Variants in DRD2 observed in about 807,000 individuals in gnomAD.
The protein encoded by DRD2 is dopamine receptor D2.
A neutral mutation model predicts 38.0 loss-of-function variants in DRD2; 8 were observed. That is an observed-to-expected ratio of 0.21 (90% CI 0.12 to 0.38). The LOEUF (loss-of-function observed/expected upper bound fraction) is 0.38, where lower values mean the gene tolerates loss of function less well. Among genes scored for constraint, DRD2 ranks in the 10% least tolerant of loss-of-function variants. The pLI is 1.00. For synonymous variants in DRD2, 230 were observed against 238.6 expected (o/e 0.96, Z 0.33); for missense variants, 403 against 607.7 (o/e 0.66, Z 3.54).
At chr11:113,422,661 T>C (rs1950896772) in intron 2 of DRD2, among the ~76,000 whole-genome samples, 1 of 152,108 alleles carries the variant, frequency 6.6e-6, no homozygotes, top group Admixed American at 6.6e-5. Context: ...GTCAGGTCAT[T>C]TTGGAAGTTG....
chr11:113,452,471 C>T (rs56357137), intron 1 of DRD2, among the ~76,000 whole-genome samples: 18,974 of 66,260 alleles, frequency 0.29, 1,404 homozygotes, highest in East Asian at 0.51. Flanking sequence ...TGTGTGTGTG[C>T]GCGCGCGCGC....
chr11:113,467,004 C>T (rs368717136), intron 1 of DRD2, among the ~76,000 whole-genome samples: 2 of 152,142 alleles, frequency 1.3e-5, no homozygotes, highest in South Asian at 4.1e-4. Context: ...ACACATACTA[C>T]TAAAGAAAAA....
rs183300414 is a variant in DRD2, at chr11:113,433,672, G to A, written c.-31-8990C>T. Among the ~76,000 whole-genome samples the A allele has an allele frequency of 5.3e-5, 8 of 152,292 alleles. No individual in the cohort carries two copies. The South Asian group carries it at 6.2e-4, about 12-fold the overall frequency. Reference sequence around the variant, plus strand: ...CATTGTCTAGGTTTCTTTAGAAGGCGTGGAACAGCCTGGATGAATCTCTCC... The same window carrying A: ...CATTGTCTAGGTTTCTTTAGAAGGCATGGAACAGCCTGGATGAATCTCTCC... On this transcript the variant is annotated intron_variant, in intron 1 of 7. Coordinates refer to ENST00000362072, the MANE Select transcript of DRD2 (RefSeq NM_000795.4).
At chr11:113,465,885 C>T (rs1011727490) in intron 1 of DRD2, among the ~76,000 whole-genome samples, 11 of 152,200 alleles carry the variant, frequency 7.2e-5, no homozygotes, top group African/African-American at 2.7e-4. Flanking sequence ...TCTCTGCCCA[C>T]TGATAATTAC....
intron 5 of DRD2, among the ~76,000 whole-genome samples, chr11:113,415,000 G>A (rs1950811667): frequency 6.6e-6 from 1 of 152,294 alleles, no homozygotes; most frequent in African/African-American, 2.4e-5. Flanking sequence ...AGACATAGTG[G>A]AGAGGAAGTC....
intron 1 of DRD2, among the ~76,000 whole-genome samples, chr11:113,466,469 G>T (rs1485757979): frequency 6.6e-6 from 1 of 152,282 alleles, no homozygotes; most frequent in African/African-American, 2.4e-5. Flanking sequence ...ATTGAAGTAG[G>T]TTCCAACCAT....
intron 1 of DRD2, among the ~76,000 whole-genome samples, chr11:113,452,826 T>A (rs1565675545): frequency 6.6e-6 from 1 of 151,714 alleles, no homozygotes; most frequent in Non-Finnish European, 1.5e-5. Flanking sequence ...TTTTGTATTT[T>A]TTTTTAGTAG....
chr11:113,451,980 C>T (rs530386509), intron 1 of DRD2, among the ~76,000 whole-genome samples: 1 of 152,154 alleles, frequency 6.6e-6, no homozygotes, highest in Non-Finnish European at 1.5e-5. Context: ...TCCATTGTCC[C>T]ATTTCTTCTC....
intron 1 of DRD2, among the ~76,000 whole-genome samples, chr11:113,439,412 CTG>C (rs1338792127): frequency 3.3e-5 from 5 of 152,164 alleles, no homozygotes; most frequent in African/African-American, 2.4e-5. Context: ...AGCACAGTCT[CTG>C]AGAGAGAGAA....
intron 1 of DRD2, among the ~76,000 whole-genome samples, chr11:113,437,283 ACT>A (rs1404645115): frequency 2.6e-5 from 4 of 152,052 alleles, no homozygotes; most frequent in African/African-American, 9.7e-5. Context: ...CAGAACCCAG[ACT>A]CTTCCTTACA....
chr11:113,426,273 G>A (rs1010404576), intron 1 of DRD2, among the ~76,000 whole-genome samples: 5 of 151,976 alleles, frequency 3.3e-5, no homozygotes, highest in African/African-American at 9.7e-5. Context: ...GGCTGGTGTC[G>A]CATATTCACA....
At chr11:113,462,949 A>T (rs10891552) in intron 1 of DRD2, among the ~76,000 whole-genome samples, 11,953 of 150,460 alleles carry the variant, frequency 0.079, 968 homozygotes, top group East Asian at 0.39. Flanking sequence ...ATGACTGATG[A>T]TGTAGGAGTA....
chr11:113,409,759 C>T lies in DRD2; in HGVS notation c.*968G>A, dbSNP rs1352557941. On this transcript the variant is annotated 3_prime_UTR_variant, in exon 8 of 8. Coordinates refer to ENST00000362072, the MANE Select transcript of DRD2 (RefSeq NM_000795.4). ...AGATGGTTTTCAGCAGCCTCTTAGCCGTGGGCTCCTCTAAGGCAGAGGCAG... is the reference window on the plus strand; with the variant it reads ...AGATGGTTTTCAGCAGCCTCTTAGCTGTGGGCTCCTCTAAGGCAGAGGCAG... 1.3e-5 allele frequency: 2 copies of T among 153,036 alleles called. No homozygotes were observed. Among genetic ancestry groups the T allele is most frequent in the East Asian group, 1.9e-4 (1 of 5,206 alleles). 9.5% of individuals were successfully genotyped at this position (153,036 alleles called of 1,614,324 possible). A position where few individuals can be genotyped will look rare whatever the true frequency, so the allele number is the denominator to read the frequency against.
rs769048422 is a variant in DRD2, at chr11:113,424,353, G to A, written c.285+14C>T. 2 of 1,612,866 alleles carry A rather than the reference G, an allele frequency of 1.2e-6. No homozygotes were observed. Among genetic ancestry groups the A allele is most frequent in the South Asian group, 1.1e-5 (1 of 90,968 alleles). On this transcript the variant is annotated intron_variant, in intron 2 of 7. Transcript: ENST00000362072. The stretch of plus-strand genomic sequence containing the variant: ...GCTGGAGAAAGTGCTGGAGCAAGCA[G>A]GGGGCCCACCTACCTCCAGGTAGAC...
intron 1 of DRD2, among the ~76,000 whole-genome samples, chr11:113,443,654 TCCTCTGCCAAA>T (rs528568149): frequency 1.5e-4 from 23 of 152,356 alleles, no homozygotes; most frequent in Admixed American, 3.9e-4. Flanking sequence ...AGGCAGTTAG[TCCTCTGCCAAA>T]CCTGTGTACA....
At chr11:113,424,346 G>A (rs780059943) in intron 2 of DRD2, 21 bp downstream of exon 2, 1 of 1,612,750 alleles carries the variant, frequency 6.2e-7, no homozygotes, top group Non-Finnish European at 8.5e-7. Context: ...AAGTGCTGGA[G>A]CAAGCAGGGG....
chr11:113,459,202 A>G (rs1374372297), intron 1 of DRD2, among the ~76,000 whole-genome samples: 1 of 152,236 alleles, frequency 6.6e-6, no homozygotes, highest in African/African-American at 2.4e-5. Context: ...AAGGAAGATA[A>G]TATAGTCAGT....
intron 1 of DRD2, among the ~76,000 whole-genome samples, chr11:113,445,890 C>T (rs1399834983): frequency 6.6e-6 from 1 of 152,194 alleles, no homozygotes; most frequent in Admixed American, 6.5e-5. Flanking sequence ...CTAACAAGCT[C>T]AGCCTGTCTC....
Position 113,457,371 on chromosome 11 carries a change from G to A in DRD2, c.-32+17705C>T, listed in dbSNP as rs1026514009. On this transcript the variant is annotated intron_variant, in intron 1 of 7. Coordinates refer to ENST00000362072, the MANE Select transcript of DRD2 (RefSeq NM_000795.4). Reference sequence around the variant, plus strand: ...AGGGGAGATCTCAGCAATACAAAGCGACCCTGTTCTCTTGTTCAGTGCTGC... The same window carrying A: ...AGGGGAGATCTCAGCAATACAAAGCAACCCTGTTCTCTTGTTCAGTGCTGC... 3.3e-5 allele frequency among the ~76,000 whole-genome samples: 5 copies of A among 152,156 alleles called. No homozygotes were observed. In the East Asian group the frequency reaches 7.7e-4, roughly 23 times the overall value.
Sources: allele counts gnomAD v4.1 joint callset (sites outside exome capture counted in the v4.1 genomes callset), GRCh38; gene constraint gnomAD v4.1.1; transcripts MANE v1.5; gene names NCBI Gene and HGNC (gene_info 2026-07-23, HGNC 2026-07-21).